Variants in CHD1 observed in about 807,000 individuals in gnomAD.
CHD1 encodes chromodomain helicase DNA binding protein 1.
In CHD1, 36 loss-of-function variants were observed where a neutral mutation model predicts 224.2. The ratio of observed to expected loss-of-function variants is 0.16; its 90% CI spans 0.12 to 0.21. The LOEUF is 0.21. Among genes scored for constraint, CHD1 ranks in the 10% least tolerant of loss-of-function variants. CHD1 has a pLI of 1.00. For synonymous variants in CHD1, 668 were observed against 658.3 expected, an observed-to-expected ratio of 1.01 and a Z score of -0.23; for missense variants, 1,378 against 1,994.8, an observed-to-expected ratio of 0.69 and a Z score of 5.89.
At position 98,870,821 on chromosome 5, in the gene CHD1, T is replaced by G; in HGVS notation, c.3862-18A>C. On this transcript the variant is annotated intron_variant, in intron 28 of 35. Transcript: ENST00000614616. The stretch of plus-strand genomic sequence containing the variant: ...GGAAGAATCTGAAAAAGCAATAAAT[T>G]TTTTCAGATTGTCTTAATAAATAAC... The G allele has an allele frequency of 6.6e-7, 1 of 1,507,126 alleles. No homozygotes were observed. Among genetic ancestry groups the G allele is most frequent in the East Asian group, 2.3e-5 (1 of 44,188 alleles). 93.4% of individuals were successfully genotyped at this position (1,507,126 alleles called of 1,614,324 possible).
intron 15 of CHD1, among the ~76,000 whole-genome samples, chr5:98,891,120 C>A (rs1327336532): frequency 6.6e-6 from 1 of 152,152 alleles, no homozygotes; most frequent in Non-Finnish European, 1.5e-5. Context: ...GTCACCCAGG[C>A]TGGAGTGCAG....
intron 7 of CHD1, among the ~76,000 whole-genome samples, chr5:98,900,011 G>A (rs1021146645): frequency 6.6e-6 from 1 of 152,090 alleles, no homozygotes; most frequent in East Asian, 1.9e-4. Flanking sequence ...GGCCCAGCAC[G>A]GTGGCTCACG....
intron 19 of CHD1, among the ~76,000 whole-genome samples, chr5:98,882,431 T>C (rs1750261503): frequency 6.7e-6 from 1 of 149,232 alleles, no homozygotes; most frequent in Non-Finnish European, 1.5e-5. Context: ...GGGGGGGGCA[T>C]GTAAACTTCT....
chr5:98,898,653 T>A lies in CHD1; in HGVS notation c.1186+11A>T. The A allele has an allele frequency of 6.9e-7, 1 of 1,454,066 alleles. No homozygotes were observed. The highest frequency in any genetic ancestry group is 9.5e-7 in the Non-Finnish European group (1 of 1,052,392). The allele number at this position is 1,454,066 out of a possible 1,614,324, so 90.1% of individuals were successfully genotyped here. A position where few individuals can be genotyped will look rare whatever the true frequency, so the allele number is the denominator to read the frequency against. ...AAAAAGAAAGTTTAACTAGAATCAT[T>A]TATCACTAACCAATTATACGTTCCA... is the stretch of plus-strand genomic sequence containing the variant. On this transcript the variant is annotated intron_variant, in intron 9 of 35. Coordinates refer to ENST00000614616, the MANE Select transcript of CHD1 (RefSeq NM_001270.4).
At chr5:98,872,314 T>C in intron 27 of CHD1, 103 bp downstream of exon 27, 12 of 1,466,436 alleles carry the variant, frequency 8.2e-6, no homozygotes, top group Non-Finnish European at 1.1e-5. Flanking sequence ...ATTTCTTCCT[T>C]TTTTTTTTCA....
At position 98,883,151 on chromosome 5, in the gene CHD1, A is replaced by G; in HGVS notation, c.2655T>C (p.Asp885=). Residue 885 remains aspartate, a synonymous_variant, in exon 19 of 36, where the codon GAT becomes GAC. Coordinates refer to ENST00000614616, the MANE Select transcript of CHD1 (RefSeq NM_001270.4). ...CCTGAAGATCATTCTGTGGATTCCA[A>G]TCGGAATCAAATATAACAACAGTGT... ...SADTVVIFDS[D]WNPQNDLQAQ... 3 of 1,607,312 alleles carry G rather than the reference A, an allele frequency of 1.9e-6. No individual in the cohort carries two copies. Among genetic ancestry groups the G allele is most frequent in the East Asian group, 2.2e-5 (1 of 44,490 alleles).
chr5:98,880,772 T>A (rs762852835), intron 22 of CHD1, among the ~76,000 whole-genome samples: 3 of 152,242 alleles, frequency 2.0e-5, no homozygotes, highest in Non-Finnish European at 4.4e-5. Flanking sequence ...GAAATCTAAG[T>A]AAGAGATCAC....
chr5:98,866,342 T>TA (rs1427668829), intron 31 of CHD1, among the ~76,000 whole-genome samples: 3 of 152,038 alleles, frequency 2.0e-5, no homozygotes, highest in South Asian at 2.1e-4. Flanking sequence ...AAGAGGATGG[T>TA]AAAAAACCAA....
chr5:98,872,359 T>C, intron 27 of CHD1, 58 bp downstream of exon 27: 24 of 1,538,420 alleles, frequency 1.6e-5, no homozygotes, highest in Non-Finnish European at 2.0e-5. Context: ...ATTCAGCACA[T>C]TCATTTTGCA....
rs113439613 is a variant in CHD1, at chr5:98,854,528, T to C, written c.*1852A>G. 2 of 152,134 alleles carry C rather than the reference T, an allele frequency of 1.3e-5. No homozygotes were observed. The highest frequency in any genetic ancestry group is 4.8e-5 in the African/African-American group (2 of 41,462). 9.4% of individuals were successfully genotyped at this position (152,134 alleles called of 1,614,324 possible). ...GTGCCAGGACTACCTTCATTACTTT[T>C]ATATTTAATTATAAATTAGATGTTT... On this transcript the variant is annotated 3_prime_UTR_variant, in exon 36 of 36. Coordinates refer to ENST00000614616, the MANE Select transcript of CHD1 (RefSeq NM_001270.4).
chr5:98,892,757 ATTGTGTATG>A (rs1218067247), intron 14 of CHD1, 44 bp from the exon 15 acceptor site: 2 of 1,427,970 alleles, frequency 1.4e-6, no homozygotes, highest in Non-Finnish European at 1.9e-6. Context: ...AAAAAATCAA[ATTGTGTATG>A]TTGTGTATGA....
rs570146372 is a variant in CHD1, at chr5:98,882,363, AT to A, written c.2719-241del. Among the ~76,000 whole-genome samples, 258 of 142,786 alleles carry A rather than the reference AT, an allele frequency of 1.8e-3. 1 individual carries two copies. The highest frequency in any genetic ancestry group is 0.011 in the Middle Eastern group (3 of 266). The allele number at this position is 142,786 out of a possible 152,430, so 93.7% of individuals were successfully genotyped here. On this transcript the variant is annotated intron_variant, in intron 19 of 35. Transcript: ENST00000614616. ...TTTGATAAGGAGATTGCATTTGCTT[AT>A]TTTTTTTTAAAGGAATGACAGTAAT...
rs1748243086 is a variant in CHD1, at chr5:98,858,835, CT to C, written c.4576+128del. Reference sequence around the variant, plus strand: ...TAGGTATGTATCAGAATTACTGTATCTCCTTAATATAAAGGTACTTATAAAT... The same window carrying C: ...TAGGTATGTATCAGAATTACTGTATCCCTTAATATAAAGGTACTTATAAAT... On this transcript the variant is annotated intron_variant, in intron 34 of 35. Transcript: ENST00000614616. 3 of 515,800 alleles carry C rather than the reference CT, an allele frequency of 5.8e-6. No homozygotes were observed. In the South Asian group the frequency reaches 1.1e-4, roughly 19 times the overall value. 32.0% of individuals were successfully genotyped at this position (515,800 alleles called of 1,614,324 possible). A position where few individuals can be genotyped will look rare whatever the true frequency, so the allele number is the denominator to read the frequency against.
Position 98,872,560 on chromosome 5 carries a change from AT to A in CHD1, c.3572-6del, listed in dbSNP as rs773225823. 10 of 1,610,694 alleles carry A rather than the reference AT, an allele frequency of 6.2e-6. No homozygotes were observed. Among genetic ancestry groups the A allele is most frequent in the African/African-American group, 1.3e-5 (1 of 74,690 alleles). ...TCACTTTTCCGAGTCTACCACCTTG[AT>A]TTTTTTTAAAAAAACCAGTATTTTT... is the stretch of plus-strand genomic sequence containing the variant. On this transcript the variant is annotated splice_region_variant and splice_polypyrimidine_tract_variant and intron_variant, in intron 26 of 35. Transcript: ENST00000614616.
At chr5:98,908,567 C>G (rs1320056620) in intron 2 of CHD1, among the ~76,000 whole-genome samples, 2 of 152,134 alleles carry the variant, frequency 1.3e-5, no homozygotes, top group African/African-American at 4.8e-5. Flanking sequence ...ATAGGGGACA[C>G]AGTTTTACAT....
chr5:98,917,784 C>A (rs1234141030), intron 2 of CHD1, among the ~76,000 whole-genome samples: 2 of 152,134 alleles, frequency 1.3e-5, no homozygotes, highest in African/African-American at 4.8e-5. Context: ...TCTATCTACA[C>A]CAAAGAAACT....
chr5:98,887,229 T>G (rs1280980656), intron 17 of CHD1, among the ~76,000 whole-genome samples: 1 of 152,126 alleles, frequency 6.6e-6, no homozygotes, highest in Admixed American at 6.5e-5. Context: ...TGACTGCAAT[T>G]ATTTCTCAAT....
In CHD1 at chr5:98,893,466, C is replaced by T. The variant is rs1228458739; in HGVS notation, c.1941G>A (p.Gln647=). ...AAGACCAGAGCTCTTTGAGGGAATT[C>T]TGTAGAGGAGTTCCAGTGATAAGGA... ...HRLLITGTPL[Q]NSLKELWSLL... is the part of the protein sequence containing the mutation. The change falls in exon 14 of 36, where the codon CAG becomes CAA. Residue 647 remains glutamine, a synonymous_variant. Coordinates refer to ENST00000614616, the MANE Select transcript of CHD1 (RefSeq NM_001270.4). The T allele has an allele frequency of 6.2e-7, 1 of 1,611,584 alleles. No homozygotes were observed. The highest frequency in any genetic ancestry group is 8.5e-7 in the Non-Finnish European group (1 of 1,178,844).
At chr5:98,908,595 C>T (rs1752197077) in intron 2 of CHD1, among the ~76,000 whole-genome samples, 2 of 152,086 alleles carry the variant, frequency 1.3e-5, no homozygotes, top group South Asian at 4.1e-4. Flanking sequence ...GTAAAACTCA[C>T]AAATTTGGCT....
Sources: gnomAD v4.1 joint callset for allele counts (sites outside exome capture counted in the v4.1 genomes callset) on GRCh38, gnomAD v4.1.1 for gene constraint, MANE v1.5 for transcripts, NCBI Gene and HGNC (gene_info 2026-07-23, HGNC 2026-07-21) for gene names.